Variants in KIAA1217 observed in about 807,000 individuals in gnomAD.
The protein encoded by KIAA1217 is KIAA1217, also known as sickle tail protein homolog.
A neutral mutation model predicts 163.9 loss-of-function variants in KIAA1217; 88 were observed. The observed-to-expected ratio is 0.54, with a 90% CI of 0.45 to 0.64. The LOEUF (loss-of-function observed/expected upper bound fraction) is 0.64. KIAA1217 is among the 30% of genes least tolerant of loss of function. The pLI, the probability that KIAA1217 is intolerant of heterozygous loss-of-function variation, is 0.00. For synonymous variants in KIAA1217, 903 were observed against 923.1 expected (o/e 0.98, Z 0.39); for missense variants, 2,372 against 2,475.0 (o/e 0.96, Z 0.88).
At chr10:24,198,583 G>GGA (rs796109687) in intron 2 of KIAA1217, among the ~76,000 whole-genome samples, 22 of 114,990 alleles carry the variant, frequency 1.9e-4, no homozygotes, top group African/African-American at 2.6e-4. Context: ...CTCTTATCTC[G>GGA]AAAAAAAAAA....
intron 4 of KIAA1217, 115 bp downstream of exon 4, chr10:24,433,308 T>C: frequency 2.3e-6 from 1 of 436,976 alleles, no homozygotes; most frequent in Non-Finnish European, 3.9e-6. Context: ...TAGAGTGTTT[T>C]TTTGTTTTTT....
intron 1 of KIAA1217, among the ~76,000 whole-genome samples, chr10:23,817,497 G>GA (rs1837361900): frequency 6.6e-6 from 1 of 152,088 alleles, no homozygotes; most frequent in South Asian, 2.1e-4. Context: ...TTCCAAATGA[G>GA]ATAAGAGAGA....
intron 1 of KIAA1217, among the ~76,000 whole-genome samples, chr10:23,788,365 A>G (rs886232638): frequency 2.0e-5 from 3 of 152,134 alleles, no homozygotes; most frequent in Non-Finnish European, 4.4e-5. Flanking sequence ...GGAGTTCTCA[A>G]TGGGAGGAAG....
intron 2 of KIAA1217, among the ~76,000 whole-genome samples, chr10:24,114,553 T>C (rs1251157532): frequency 6.6e-6 from 1 of 152,174 alleles, no homozygotes; most frequent in Non-Finnish European, 1.5e-5. Flanking sequence ...AGGTGTGTGT[T>C]AGAAGATCAG....
Position 23,984,891 on chromosome 10 carries a change from C to A in KIAA1217, c.-320-22334C>A, listed in dbSNP as rs182087671. On this transcript the variant is annotated intron_variant, in intron 1 of 18. Transcript: ENST00000376462. ...CATCTATACCTATATAACAAACCTG[C>A]ATGTTTGGCACATGTATCCCAGAAC... Among the ~76,000 whole-genome samples, 41 of 151,492 alleles carry A rather than the reference C, an allele frequency of 2.7e-4. 1 individual carries two copies. The highest frequency in any genetic ancestry group is 9.4e-4 in the African/African-American group (39 of 41,294).
intron 1 of KIAA1217, among the ~76,000 whole-genome samples, chr10:23,737,705 A>C (rs548845897): frequency 9.2e-5 from 14 of 152,292 alleles, no homozygotes; most frequent in African/African-American, 2.9e-4. Flanking sequence ...CTGTTACTGT[A>C]TCATAATAAA....
At chr10:24,334,072 T>TAAGA (rs1564489400) in intron 2 of KIAA1217, among the ~76,000 whole-genome samples, 1 of 152,196 alleles carries the variant, frequency 6.6e-6, no homozygotes, top group African/African-American at 2.4e-5. Context: ...TGTCTCCTTC[T>TAAGA]AAGAGATCTT....
At chr10:24,346,215 G>C (rs1192113521) in intron 2 of KIAA1217, among the ~76,000 whole-genome samples, 1 of 152,184 alleles carries the variant, frequency 6.6e-6, no homozygotes, top group Non-Finnish European at 1.5e-5. Context: ...TGTAATCCCA[G>C]CACTTTGGGA....
intron 2 of KIAA1217, among the ~76,000 whole-genome samples, chr10:24,375,924 G>C (rs2052419198): frequency 6.6e-6 from 1 of 152,168 alleles, no homozygotes; most frequent in Non-Finnish European, 1.5e-5. Flanking sequence ...TCAATTTAGG[G>C]TTTAAGGGTC....
At chr10:24,425,290 C>T (rs1323186163) in intron 3 of KIAA1217, among the ~76,000 whole-genome samples, 2 of 152,152 alleles carry the variant, frequency 1.3e-5, no homozygotes. Context: ...AGGGTATAGT[C>T]ATCAGGTATT....
At chr10:24,536,425 T>C (rs2074022891) in intron 16 of KIAA1217, among the ~76,000 whole-genome samples, 2 of 152,218 alleles carry the variant, frequency 1.3e-5, no homozygotes, top group Non-Finnish European at 2.9e-5. Flanking sequence ...GATAGTTTTT[T>C]GTTTTAATTT....
At chr10:23,781,827 G>C (rs979563713) in intron 1 of KIAA1217, among the ~76,000 whole-genome samples, 3 of 152,094 alleles carry the variant, frequency 2.0e-5, no homozygotes, top group Non-Finnish European at 4.4e-5. Flanking sequence ...GAAGAGAACT[G>C]TCTCTTCCCC....
intron 14 of KIAA1217, among the ~76,000 whole-genome samples, chr10:24,528,350 C>G (rs1288762500): frequency 7.6e-6 from 1 of 132,132 alleles, no homozygotes; most frequent in East Asian, 2.2e-4. Flanking sequence ...GAAATGGGGT[C>G]TTGCTCTGCC....
chr10:24,343,652 C>T (rs746155730), intron 2 of KIAA1217, among the ~76,000 whole-genome samples: 2 of 152,284 alleles, frequency 1.3e-5, no homozygotes, highest in East Asian at 1.9e-4. Flanking sequence ...TTAGAAAGAA[C>T]TTCCCTGTCC....
At chr10:23,768,121 A>G (rs1312084962) in intron 1 of KIAA1217, among the ~76,000 whole-genome samples, 2 of 152,200 alleles carry the variant, frequency 1.3e-5, no homozygotes, top group Admixed American at 6.5e-5. Flanking sequence ...AATCCCACCC[A>G]TTCTTAAAAT....
At chr10:23,703,811 C>A (rs990826135) in intron 1 of KIAA1217, among the ~76,000 whole-genome samples, 14 of 151,724 alleles carry the variant, frequency 9.2e-5, no homozygotes, top group South Asian at 2.1e-4. Flanking sequence ...GTATAAAGGC[C>A]CAGAGAGCAA....
intron 1 of KIAA1217, among the ~76,000 whole-genome samples, chr10:23,783,209 A>C (rs1484755763): frequency 6.6e-6 from 1 of 151,976 alleles, no homozygotes; most frequent in East Asian, 1.9e-4. Flanking sequence ...AATTGCAAAA[A>C]AATCTCATAC....
chr10:24,235,272 T>G (rs928661180), intron 2 of KIAA1217, among the ~76,000 whole-genome samples: 6 of 152,208 alleles, frequency 3.9e-5, no homozygotes, highest in African/African-American at 1.4e-4. Flanking sequence ...CTGGCCAAGT[T>G]GAAACATGAA....
At chr10:23,749,470 C>A (rs1353922926) in intron 1 of KIAA1217, among the ~76,000 whole-genome samples, 1 of 151,980 alleles carries the variant, frequency 6.6e-6, no homozygotes, top group African/African-American at 2.4e-5. Context: ...TGCAGTGGCG[C>A]CATCTTGGCT....
Sources: gnomAD v4.1 joint callset for allele counts (sites outside exome capture counted in the v4.1 genomes callset) on GRCh38, gnomAD v4.1.1 for gene constraint, MANE v1.5 for transcripts, NCBI Gene and HGNC (gene_info 2026-07-23, HGNC 2026-07-21) for gene names.